MRPL48: variants seen among roughly 807,000 people sequenced by gnomAD.
The protein encoded by MRPL48 is large ribosomal subunit protein mL48.
Under a neutral mutation model 32.9 loss-of-function variants are expected in MRPL48, and 16 were observed. The ratio of observed to expected loss-of-function variants is 0.49; its 90% CI spans 0.33 to 0.74. The LOEUF is 0.74. Among genes scored for constraint, MRPL48 ranks in the 30% least tolerant of loss-of-function variants. The pLI is 0.02. For missense variants in MRPL48, 206 were observed against 245.3 expected (o/e 0.84, Z 1.07); for synonymous variants, 94 against 89.2 (o/e 1.05, Z -0.31).
chr11:73,815,048 A>T (rs951716061), intron 3 of MRPL48, among the ~76,000 whole-genome samples: 3 of 152,124 alleles, frequency 2.0e-5, no homozygotes, highest in African/African-American at 7.2e-5. Flanking sequence ...ATCTGGAATT[A>T]TAAGTGGAGC....
chr11:73,841,228 T>G (rs1409874946), intron 4 of MRPL48, among the ~76,000 whole-genome samples: 1 of 152,200 alleles, frequency 6.6e-6, no homozygotes, highest in African/African-American at 2.4e-5. Context: ...ACAAAACTGT[T>G]TGAGAGTGTC....
intron 1 of MRPL48, among the ~76,000 whole-genome samples, chr11:73,796,721 A>G (rs949075678): frequency 3.9e-5 from 6 of 152,204 alleles, no homozygotes; most frequent in Admixed American, 3.3e-4. Context: ...AGGCCTGCCC[A>G]TGGCCACCCA....
intron 5 of MRPL48, chr11:73,850,581 G>C (rs1217154302): frequency 2.9e-6 from 1 of 345,946 alleles, no homozygotes; most frequent in Non-Finnish European, 5.6e-6. Flanking sequence ...AACTTTGTCT[G>C]TTCTTTTCTA....
intron 1 of MRPL48, among the ~76,000 whole-genome samples, chr11:73,798,397 A>C (rs1472166888): frequency 6.6e-6 from 1 of 152,150 alleles, no homozygotes. Flanking sequence ...CCCGGCCAAC[A>C]AAAACAATTT....
At chr11:73,788,156 G>C (rs1947078319) in intron 1 of MRPL48, among the ~76,000 whole-genome samples, 164 bp downstream of exon 1, 1 of 152,102 alleles carries the variant, frequency 6.6e-6, no homozygotes, top group South Asian at 2.1e-4. Flanking sequence ...GCTGCCTGGC[G>C]TTGAAGGGGC....
chr11:73,798,328 A>G (rs999152388), intron 1 of MRPL48, among the ~76,000 whole-genome samples: 1 of 152,130 alleles, frequency 6.6e-6, no homozygotes, highest in Non-Finnish European at 1.5e-5. Context: ...TCCTGACCTC[A>G]GGTGATCTGC....
At chr11:73,805,732 C>T (rs1252168952) in intron 2 of MRPL48, among the ~76,000 whole-genome samples, 1 of 149,650 alleles carries the variant, frequency 6.7e-6, no homozygotes. Flanking sequence ...GATCACAGCT[C>T]ACTGTAGCCT....
intron 1 of MRPL48, among the ~76,000 whole-genome samples, chr11:73,799,902 A>G (rs1362078489): frequency 6.6e-6 from 1 of 152,214 alleles, no homozygotes; most frequent in Non-Finnish European, 1.5e-5. Context: ...ATCATTAGCT[A>G]TGAACTTCAT....
intron 3 of MRPL48, among the ~76,000 whole-genome samples, 178 bp from the exon 4 acceptor site, chr11:73,825,530 G>A (rs1947870802): frequency 6.6e-6 from 1 of 151,796 alleles, no homozygotes; most frequent in Non-Finnish European, 1.5e-5. Context: ...TGGGGTCGGC[G>A]GGGAGGGGGG....
At chr11:73,801,769 A>G (rs1410414315) in intron 1 of MRPL48, among the ~76,000 whole-genome samples, 1 of 152,190 alleles carries the variant, frequency 6.6e-6, no homozygotes, top group Admixed American at 6.5e-5. Flanking sequence ...CTCAACTGTA[A>G]AGTGGTGATA....
Position 73,788,048 on chromosome 11 carries a change from G to T in MRPL48, c.21+56G>T, listed in dbSNP as rs534301191. The T allele has an allele frequency of 3.1e-6, 5 of 1,602,948 alleles. No homozygotes were observed. In the South Asian group the frequency reaches 4.5e-5, roughly 14 times the overall value. On this transcript the variant is annotated intron_variant, in intron 1 of 7. Coordinates refer to ENST00000310614, the MANE Select transcript of MRPL48 (RefSeq NM_016055.6). ...GGGAGATGGCGGACGGTGCAGAGAG[G>T]GGAGATGGCGGAGGGTGCAGAGCGG...
At chr11:73,795,801 C>T (rs566780128) in intron 1 of MRPL48, among the ~76,000 whole-genome samples, 254 of 152,198 alleles carry the variant, frequency 1.7e-3, no homozygotes, top group Middle Eastern at 6.8e-3. Context: ...CCACTGCACC[C>T]GGCTTATTCA....
intron 4 of MRPL48, among the ~76,000 whole-genome samples, chr11:73,840,531 G>A (rs77290809): frequency 0.044 from 6,628 of 152,112 alleles, 194 homozygotes; most frequent in Middle Eastern, 0.11. Flanking sequence ...ACGGAGTCTC[G>A]CTCTGTCACC....
At chr11:73,806,109 A>AT (rs61632908) in intron 2 of MRPL48, among the ~76,000 whole-genome samples, 12,793 of 148,500 alleles carry the variant, frequency 0.086, 666 homozygotes, top group East Asian at 0.18. Flanking sequence ...AAGCAGAGTG[A>AT]TTTTTTTTTT....
At chr11:73,789,463 C>T (rs993957179) in intron 1 of MRPL48, 1 of 152,172 alleles carries the variant, frequency 6.6e-6, no homozygotes, top group Admixed American at 6.5e-5. Flanking sequence ...TTGCTTTAGT[C>T]AGCTAACCTC....
In MRPL48 at chr11:73,808,367, T is replaced by G. The variant is rs1227905489; in HGVS notation, c.112+17T>G. On this transcript the variant is annotated intron_variant, in intron 3 of 7. Coordinates refer to ENST00000310614, the MANE Select transcript of MRPL48 (RefSeq NM_016055.6). ...ATTCTGTAGGTAAGCAGTTTTTACCTGATGTAGTTGGCCTGCTTTAAGTGA... is the reference window on the plus strand; with the variant it reads ...ATTCTGTAGGTAAGCAGTTTTTACCGGATGTAGTTGGCCTGCTTTAAGTGA... 1.2e-6 allele frequency: 2 copies of G among 1,601,846 alleles called. No individual in the cohort carries two copies. The highest frequency in any genetic ancestry group is 1.1e-5 in the South Asian group (1 of 89,104).
chr11:73,862,887 C>T (rs1400419778), intron 6 of MRPL48, among the ~76,000 whole-genome samples: 2 of 152,196 alleles, frequency 1.3e-5, no homozygotes, highest in Admixed American at 6.5e-5. Flanking sequence ...CTACTGCGCT[C>T]CAGCCTGGGC....
At chr11:73,863,747 A>T (rs1163917629) in intron 7 of MRPL48, among the ~76,000 whole-genome samples, 2 of 152,190 alleles carry the variant, frequency 1.3e-5, no homozygotes, top group Non-Finnish European at 2.9e-5. Flanking sequence ...GTCTTAGCCT[A>T]AATACTGAGT....
chr11:73,810,748 C>T (rs949788440), intron 3 of MRPL48, among the ~76,000 whole-genome samples: 1 of 151,394 alleles, frequency 6.6e-6, no homozygotes, highest in African/African-American at 2.4e-5. Flanking sequence ...TGATGTTCCC[C>T]TCCCTGTGTC....
Sources: gnomAD v4.1 joint callset for allele counts (sites outside exome capture counted in the v4.1 genomes callset) on GRCh38, gnomAD v4.1.1 for gene constraint, MANE v1.5 for transcripts, NCBI Gene and HGNC (gene_info 2026-07-23, HGNC 2026-07-21) for gene names.